Variants in NKIRAS2 observed in about 807,000 individuals in gnomAD.
The protein encoded by NKIRAS2 is NFKB inhibitor interacting Ras like 2, also known as NF-kappa-B inhibitor-interacting Ras-like protein 2.
A neutral mutation model predicts 20.7 loss-of-function variants in NKIRAS2; 15 were observed. That is an observed-to-expected ratio of 0.73 (90% CI 0.49 to 1.12). NKIRAS2 has a LOEUF of 1.12. Among genes scored for constraint, NKIRAS2 ranks in the 50% most tolerant of loss-of-function variants. The pLI is 0.00. For missense variants in NKIRAS2, 196 were observed against 249.6 expected (o/e 0.79, Z 1.45); for synonymous variants, 116 against 101.4 (o/e 1.14, Z -0.87).
Position 42,023,773 on chromosome 17 carries a change from G to C in NKIRAS2, c.456G>C (p.Ala152=). 6.2e-7 allele frequency: 1 copy of C among 1,614,134 alleles called. No homozygotes were observed. Among genetic ancestry groups the C allele is most frequent in the South Asian group, 1.1e-5 (1 of 91,082 alleles). The part of the protein sequence containing the change: ...EKVKLWEVSV[A]DRRSLLEPFV... ...TGAAGCTGTGGGAGGTGTCAGTGGC[G>C]GACCGGCGCTCCCTCCTGGAGCCCT... Residue 152 remains alanine (A), a synonymous_variant, in exon 4 of 4, where the codon GCG becomes GCC. Transcript: ENST00000393885.
intron 3 of NKIRAS2, chr17:42,023,194 T>C: frequency 4.1e-6 from 1 of 246,576 alleles, no homozygotes; most frequent in Non-Finnish European, 8.4e-6. Context: ...AGATGGGGTT[T>C]TGTCATGTTG....
upstream of NKIRAS2, among the ~76,000 whole-genome samples, chr17:42,018,886 CATATT>C (rs1232060175): frequency 2.6e-5 from 4 of 152,148 alleles, no homozygotes; most frequent in African/African-American, 9.7e-5. Flanking sequence ...CAAGGCTTAC[CATATT>C]TAAATTTAAC....
At chr17:42,017,612 C>G (rs782404318), upstream of NKIRAS2, 49 of 667,028 alleles carry the variant, frequency 7.3e-5, no homozygotes, top group Non-Finnish European at 1.1e-4. Flanking sequence ...GGGCGGGAGC[C>G]CAGGGGCTGT....
rs1217864720 is a variant in NKIRAS2 at position 42,022,453 on chromosome 17, A to AC, written c.151dup (p.Arg51ProfsTer11). The AC allele has an allele frequency of 1.2e-6, 2 of 1,610,660 alleles. No homozygotes were observed. The highest frequency in any genetic ancestry group is 1.7e-6 in the Non-Finnish European group (2 of 1,177,232). ...ATCTACGTGGGCTCCATTGAGACAG[A>AC]CCGGGGGGTGCGAGAGCAGGTGCGT... On this transcript the variant is annotated frameshift_variant, in exon 3 of 4. Transcript: ENST00000393885. LOFTEE classifies it high-confidence loss of function.
rs1598175018 is a variant in NKIRAS2, at chr17:42,025,421, C to A, written c.*1528C>A. The A allele has an allele frequency of 6.6e-6, 1 of 152,546 alleles. No individual in the cohort carries two copies. The highest frequency in any genetic ancestry group is 1.5e-5 in the Non-Finnish European group (1 of 68,024). The allele number at this position is 152,546 out of a possible 1,614,324, so 9.4% of individuals were successfully genotyped here. On this transcript the variant is annotated 3_prime_UTR_variant, in exon 4 of 4. Coordinates refer to ENST00000393885, the MANE Select transcript of NKIRAS2 (RefSeq NM_017595.6). ...GCGGCCTGCAGAGTAAGCTTATTACCCACAACTGTGCCCGCTTTGTGCTTC... is the reference window on the plus strand; with the variant it reads ...GCGGCCTGCAGAGTAAGCTTATTACACACAACTGTGCCCGCTTTGTGCTTC...
rs900061325 is a variant in NKIRAS2, at chr17:42,024,581, T to C, written c.*688T>C. 6.6e-6 allele frequency: 1 copy of C among 152,334 alleles called. No homozygotes were observed. Among genetic ancestry groups the C allele is most frequent in the Non-Finnish European group, 1.5e-5 (1 of 68,158 alleles). The allele number at this position is 152,334 out of a possible 1,614,324, so 9.4% of individuals were successfully genotyped here. On this transcript the variant is annotated 3_prime_UTR_variant, in exon 4 of 4. Transcript: ENST00000393885. ...TGAGGTCAGGAGTTCACGACCAGCCTGGCCAACATTGTGAAACCCCATCTC... is the reference window on the plus strand; with the variant it reads ...TGAGGTCAGGAGTTCACGACCAGCCCGGCCAACATTGTGAAACCCCATCTC...
At chr17:42,022,284 G>A (rs2052472356) in intron 2 of NKIRAS2, 115 bp from the exon 3 acceptor site, 1 of 1,063,902 alleles carries the variant, frequency 9.4e-7, no homozygotes, top group African/African-American at 1.6e-5. Context: ...CAATTCTCTG[G>A]CCTCCTCAGC....
At position 42,023,960 on chromosome 17, in the gene NKIRAS2, G is replaced by C; in HGVS notation, c.*67G>C. Reference sequence around the variant, plus strand: ...TGTCTGGGGCTCTGGTAGATGTGTTGAGGGCAAAGTAGAGGACAAGCTGTC... The same window carrying C: ...TGTCTGGGGCTCTGGTAGATGTGTTCAGGGCAAAGTAGAGGACAAGCTGTC... On this transcript the variant is annotated 3_prime_UTR_variant, in exon 4 of 4. Coordinates refer to ENST00000393885, the MANE Select transcript of NKIRAS2 (RefSeq NM_017595.6). The C allele has an allele frequency of 6.3e-7, 1 of 1,580,286 alleles. No homozygotes were observed. The highest frequency in any genetic ancestry group is 8.6e-7 in the Non-Finnish European group (1 of 1,163,784).
Position 42,023,972 on chromosome 17 carries a change from G to C in NKIRAS2, c.*79G>C. The C allele has an allele frequency of 1.3e-6, 2 of 1,553,134 alleles. No individual in the cohort carries two copies. Among genetic ancestry groups the C allele is most frequent in the Non-Finnish European group, 1.7e-6 (2 of 1,152,008 alleles). The stretch of plus-strand genomic sequence containing the variant: ...TGGTAGATGTGTTGAGGGCAAAGTA[G>C]AGGACAAGCTGTCTTTCCCAGTCAG... On this transcript the variant is annotated 3_prime_UTR_variant, in exon 4 of 4. Coordinates refer to ENST00000393885, the MANE Select transcript of NKIRAS2 (RefSeq NM_017595.6).
chr17:42,020,480 C>T (rs1555652820), intron 1 of NKIRAS2: 1 of 151,222 alleles, frequency 6.6e-6, no homozygotes, highest in East Asian at 1.9e-4. Flanking sequence ...GGATCTTTGT[C>T]TGGAGCTTTT....
chr17:42,019,397 C>T (rs1217770942), upstream of NKIRAS2, among the ~76,000 whole-genome samples: 2 of 152,206 alleles, frequency 1.3e-5, no homozygotes, highest in Non-Finnish European at 2.9e-5. Context: ...AGTGACCTTC[C>T]TCAGGGACTG....
At chr17:42,021,801 G>T in intron 2 of NKIRAS2, 130 bp downstream of exon 2, 4 of 857,294 alleles carry the variant, frequency 4.7e-6, no homozygotes, top group Non-Finnish European at 4.0e-6. Context: ...AACTTACATT[G>T]TAACAGATCA....
rs1261509091 is a variant in NKIRAS2 at position 42,025,626 on chromosome 17, C to T, written c.*1733C>T. Reference sequence around the variant, plus strand: ...GCATTGGTTGGACACAATAAAACCACAATTGTTATCAAAAAGTTTCCCTCC... The same window carrying T: ...GCATTGGTTGGACACAATAAAACCATAATTGTTATCAAAAAGTTTCCCTCC... On this transcript the variant is annotated 3_prime_UTR_variant, in exon 4 of 4. Transcript: ENST00000393885. The T allele has an allele frequency of 6.6e-6, 1 of 152,536 alleles. No homozygotes were observed. Among genetic ancestry groups the T allele is most frequent in the Non-Finnish European group, 1.5e-5 (1 of 68,034 alleles). 9.4% of individuals were successfully genotyped at this position (152,536 alleles called of 1,614,324 possible). A position where few individuals can be genotyped will look rare whatever the true frequency, so the allele number is the denominator to read the frequency against.
chr17:42,017,595 C>T (rs2052341418), upstream of NKIRAS2: 1 of 750,366 alleles, frequency 1.3e-6, no homozygotes, highest in Non-Finnish European at 2.1e-6. Flanking sequence ...CGGTGGTCTC[C>T]GCGCCGGGGC....
chr17:42,021,567 G>T lies in NKIRAS2; in HGVS notation c.-11G>T. The T allele has an allele frequency of 1.2e-6, 2 of 1,613,948 alleles. No individual in the cohort carries two copies. Among genetic ancestry groups the T allele is most frequent in the South Asian group, 1.1e-5 (1 of 91,080 alleles). ...CAGCGTGCTTCTGTTCTTCAAGGTT[G>T]AAAACTAAGCATGGGGAAGAGCTGC... On this transcript the variant is annotated 5_prime_UTR_variant, in exon 2 of 4. Coordinates refer to ENST00000393885, the MANE Select transcript of NKIRAS2 (RefSeq NM_017595.6).
Position 42,025,022 on chromosome 17 carries a change from T to TTC in NKIRAS2, c.*1132_*1133dup, listed in dbSNP as rs1442934509. The TTC allele has an allele frequency of 2.0e-5, 3 of 152,722 alleles. No individual in the cohort carries two copies. Among genetic ancestry groups the TTC allele is most frequent in the Admixed American group, 6.5e-5 (1 of 15,298 alleles). 9.5% of individuals were successfully genotyped at this position (152,722 alleles called of 1,614,324 possible). A position where few individuals can be genotyped will look rare whatever the true frequency, so the allele number is the denominator to read the frequency against. On this transcript the variant is annotated 3_prime_UTR_variant, in exon 4 of 4. Transcript: ENST00000393885. ...CTCTTGATTTCGTAAAGCCAATGGC[T>TTC]TCTCCCTCTTTAAGGTGCTATGCCA...
At chr17:42,020,769 T>C (rs962748071) in intron 1 of NKIRAS2, 1 of 152,288 alleles carries the variant, frequency 6.6e-6, no homozygotes, top group African/African-American at 2.4e-5. Flanking sequence ...GGAGTCTTGC[T>C]CTGCCGCCCA....
intron 2 of NKIRAS2, chr17:42,021,925 A>T (rs550651963): frequency 1.5e-6 from 1 of 667,828 alleles, no homozygotes; most frequent in Non-Finnish European, 2.8e-6. Flanking sequence ...ATTAATGTCC[A>T]TTGGCCGGGT....
rs1555653533 is a variant in NKIRAS2, at chr17:42,023,589, G to T, written c.337-65G>T. 2.7e-6 allele frequency: 4 copies of T among 1,505,560 alleles called. No individual in the cohort carries two copies. The East Asian group carries it at 6.8e-5, about 26-fold the overall frequency. 93.3% of individuals were successfully genotyped at this position (1,505,560 alleles called of 1,614,324 possible). On this transcript the variant is annotated intron_variant, in intron 3 of 3. Transcript: ENST00000393885. ...TCATAGAACTCCTAGGTGGTTGCCA[G>T]CCCCCATGTCCATTCCTGGTTCTAT...
Sources: gnomAD v4.1 joint callset for allele counts (sites outside exome capture counted in the v4.1 genomes callset) on GRCh38, gnomAD v4.1.1 for gene constraint, MANE v1.5 for transcripts, NCBI Gene and HGNC (gene_info 2026-07-23, HGNC 2026-07-21) for gene names.